The following TEX36 variants were observed in gnomAD, a reference collection of about 807,000 sequenced individuals.
TEX36 encodes testis-expressed protein 36.
Under a neutral mutation model 13.6 loss-of-function variants are expected in TEX36, and 12 were observed. That is an observed-to-expected ratio of 0.88 (90% CI 0.56 to 1.43). TEX36 has a LOEUF of 1.43. Among genes scored for constraint, TEX36 ranks in the 40% most tolerant of loss-of-function variants. The pLI, the probability that TEX36 is intolerant of heterozygous loss-of-function variation, is 0.00. For missense variants in TEX36, 224 were observed against 228.3 expected (o/e 0.98, Z 0.12); for synonymous variants, 93 against 83.0 (o/e 1.12, Z -0.65).
chr10:125,616,018 G>A (rs1237405113), intron 3 of TEX36, among the ~76,000 whole-genome samples: 1 of 152,170 alleles, frequency 6.6e-6, no homozygotes, highest in East Asian at 1.9e-4. Context: ...TTGGGAAAGT[G>A]TATGTGTTGA....
chr10:125,618,045 C>T (rs1366808277), downstream of TEX36, among the ~76,000 whole-genome samples: 1 of 152,130 alleles, frequency 6.6e-6, no homozygotes, highest in Non-Finnish European at 1.5e-5. Context: ...TTTCATCTTC[C>T]ATCGCTGATA....
intron 3 of TEX36, among the ~76,000 whole-genome samples, chr10:125,640,761 C>T (rs1846678348): frequency 6.6e-6 from 1 of 152,046 alleles, no homozygotes; most frequent in African/African-American, 2.4e-5. Context: ...GGGGATCTTC[C>T]CAAAACACTG....
chr10:125,596,983 G>C (rs1254072207), intron 3 of TEX36, among the ~76,000 whole-genome samples: 1 of 152,136 alleles, frequency 6.6e-6, no homozygotes, highest in Non-Finnish European at 1.5e-5. Context: ...AGCCATTATG[G>C]GATGACATGA....
downstream of TEX36, among the ~76,000 whole-genome samples, chr10:125,618,942 TAAAAA>T (rs11452140): frequency 5.7e-4 from 25 of 43,584 alleles, 1 homozygote; most frequent in African/African-American, 8.9e-4. Flanking sequence ...CCGTCTCTAC[TAAAAA>T]AAAAAAAAAA....
intron 3 of TEX36, among the ~76,000 whole-genome samples, chr10:125,607,869 C>A (rs1325000271): frequency 1.3e-5 from 2 of 152,158 alleles, no homozygotes; most frequent in Non-Finnish European, 2.9e-5. Flanking sequence ...CGAGTTTGGA[C>A]TGTCTGAGGC....
intron 3 of TEX36, among the ~76,000 whole-genome samples, chr10:125,625,924 T>C (rs1031317116): frequency 1.3e-5 from 2 of 152,204 alleles, no homozygotes; most frequent in African/African-American, 4.8e-5. Context: ...GGAGTTGGTA[T>C]AGTGGACACC....
At chr10:125,660,627 T>C (rs1334029435) in intron 3 of TEX36, among the ~76,000 whole-genome samples, 3 of 152,118 alleles carry the variant, frequency 2.0e-5, no homozygotes, top group African/African-American at 7.2e-5. Flanking sequence ...TACAAGGAAA[T>C]CCTTCCTTAT....
chr10:125,664,327 C>T (rs1847092000), intron 1 of TEX36, among the ~76,000 whole-genome samples: 2 of 152,120 alleles, frequency 1.3e-5, no homozygotes, highest in African/African-American at 4.8e-5. Context: ...CCTCAGTATA[C>T]TGATTTCCTT....
chr10:125,586,680 A>G (rs550456301), intron 3 of TEX36, among the ~76,000 whole-genome samples: 1 of 150,218 alleles, frequency 6.7e-6, no homozygotes, highest in African/African-American at 2.5e-5. Context: ...GGTGTCACAC[A>G]CTTGTAGTCC....
At chr10:125,657,964 T>A (rs76875580) in intron 3 of TEX36, among the ~76,000 whole-genome samples, 2,667 of 151,872 alleles carry the variant, frequency 0.018, 92 homozygotes, top group African/African-American at 0.062. Flanking sequence ...GAAGTCAGAG[T>A]GAGCAAATAA....
chr10:125,609,755 ACAC>A lies in TEX36; in HGVS notation c.265-32884_265-32882del, dbSNP rs1846267819. Among the ~76,000 whole-genome samples, 3 of 152,152 alleles carry A rather than the reference ACAC, an allele frequency of 2.0e-5. No homozygotes were observed. In the South Asian group the frequency reaches 6.2e-4, roughly 32 times the overall value. ...TGCAGCAGCAACCCCATCCTAACTC[ACAC>A]CACATGTTTATTGATCATTTGGTTT... is the stretch of plus-strand genomic sequence containing the variant. On this transcript the variant is annotated intron_variant, in intron 3 of 3. Coordinates refer to the TEX36 transcript ENST00000532135.
chr10:125,621,011 T>C (rs1265107499), downstream of TEX36, among the ~76,000 whole-genome samples: 1 of 152,236 alleles, frequency 6.6e-6, no homozygotes, highest in Non-Finnish European at 1.5e-5. Context: ...AGACCACATT[T>C]TGTGTGTTCA....
intron 3 of TEX36, among the ~76,000 whole-genome samples, chr10:125,621,950 A>C (rs922554275): frequency 2.0e-5 from 3 of 152,180 alleles, no homozygotes; most frequent in Non-Finnish European, 4.4e-5. Flanking sequence ...GCTGTCACCC[A>C]CATTGAGGGC....
chr10:125,601,219 T>G (rs909421964), intron 3 of TEX36, among the ~76,000 whole-genome samples: 6 of 152,284 alleles, frequency 3.9e-5, no homozygotes, highest in Non-Finnish European at 7.3e-5. Context: ...TTTGAGGAAC[T>G]TTTAATTAAT....
At chr10:125,647,140 C>T (rs928915221) in intron 3 of TEX36, among the ~76,000 whole-genome samples, 1 of 151,754 alleles carries the variant, frequency 6.6e-6, no homozygotes, top group Non-Finnish European at 1.5e-5. Context: ...ATTATATTAA[C>T]ATATTAATAT....
downstream of TEX36, among the ~76,000 whole-genome samples, chr10:125,650,706 C>T (rs1222596541): frequency 6.6e-6 from 1 of 152,050 alleles, no homozygotes. Context: ...ATCAATGAAT[C>T]CAGGAACTGG....
intron 3 of TEX36, among the ~76,000 whole-genome samples, chr10:125,590,004 T>G (rs1384657873): frequency 6.6e-6 from 1 of 152,226 alleles, no homozygotes; most frequent in African/African-American, 2.4e-5. Flanking sequence ...GTCTCCTTTT[T>G]CACAACTACA....
chr10:125,678,547 G>A (rs146516382), intron 1 of TEX36, among the ~76,000 whole-genome samples: 1 of 152,202 alleles, frequency 6.6e-6, no homozygotes, highest in Admixed American at 6.5e-5. Flanking sequence ...CAATGAACGA[G>A]GCAGGTGGGT....
chr10:125,638,831 G>A (rs1428830253), intron 3 of TEX36, among the ~76,000 whole-genome samples: 6 of 152,318 alleles, frequency 3.9e-5, no homozygotes, highest in East Asian at 3.9e-4. Context: ...GAAGCCTAAC[G>A]TCACACATCA....
Sources: allele counts gnomAD v4.1 joint callset (sites outside exome capture counted in the v4.1 genomes callset), GRCh38; gene constraint gnomAD v4.1.1; transcripts MANE v1.5; gene names NCBI Gene and HGNC (gene_info 2026-07-23, HGNC 2026-07-21).